The following NCOA2 variants were observed in gnomAD, a reference collection of about 807,000 sequenced individuals.
NCOA2 encodes nuclear receptor coactivator 2.
NCOA2 carries 21 observed loss-of-function variants against 145.1 expected under a neutral mutation model. That is an observed-to-expected ratio of 0.14 (90% CI 0.10 to 0.21). NCOA2 has a LOEUF of 0.21. Among genes scored for constraint, NCOA2 ranks in the 10% least tolerant of loss-of-function variants. The pLI is 1.00. For missense variants in NCOA2, 1,472 were observed against 1,837.6 expected, an observed-to-expected ratio of 0.80 and a Z score of 3.64; for synonymous variants, 619 against 637.5, an observed-to-expected ratio of 0.97 and a Z score of 0.44.
At chr8:70,360,972 A>C (rs1273225781) in intron 1 of NCOA2, among the ~76,000 whole-genome samples, 1 of 151,810 alleles carries the variant, frequency 6.6e-6, no homozygotes, top group East Asian at 1.9e-4. Flanking sequence ...AGTTACTTGT[A>C]AAATACTGAT....
chr8:70,214,836 C>G (rs1819428859), intron 3 of NCOA2, among the ~76,000 whole-genome samples: 1 of 151,982 alleles, frequency 6.6e-6, no homozygotes, highest in Non-Finnish European at 1.5e-5. Flanking sequence ...ATTATTTTCT[C>G]AAGTGCAAAG....
At chr8:70,151,824 C>T (rs1375516852) in intron 11 of NCOA2, among the ~76,000 whole-genome samples, 1 of 152,094 alleles carries the variant, frequency 6.6e-6, no homozygotes, top group African/African-American at 2.4e-5. Flanking sequence ...ACATGTTCTT[C>T]TTCAAGGAGA....
At chr8:70,367,252 CTTGT>C (rs1188799928) in intron 1 of NCOA2, among the ~76,000 whole-genome samples, 8 of 152,216 alleles carry the variant, frequency 5.3e-5, no homozygotes, top group Middle Eastern at 3.4e-3. Context: ...TAATGCTGAC[CTTGT>C]TTAAGTTTGC....
chr8:70,149,704 A>G (rs1270202449), intron 11 of NCOA2, among the ~76,000 whole-genome samples: 1 of 152,202 alleles, frequency 6.6e-6, no homozygotes, highest in African/African-American at 2.4e-5. Context: ...ATTCTTTTAA[A>G]TATAACCTAT....
intron 1 of NCOA2, among the ~76,000 whole-genome samples, chr8:70,379,835 T>C (rs889326714): frequency 5.9e-5 from 9 of 152,180 alleles, no homozygotes; most frequent in African/African-American, 1.9e-4. Context: ...CTATCGTTTC[T>C]GTATCATGCT....
the NCOA2 span, among the ~76,000 whole-genome samples, chr8:70,423,625 A>G: frequency 2.5e-4 from 38 of 152,300 alleles, no homozygotes; most frequent in African/African-American, 7.7e-4. Flanking sequence ...ATGAGGGGGA[A>G]GGAAGAGAAC....
At chr8:70,401,292 C>T (rs774641913) in intron 1 of NCOA2, among the ~76,000 whole-genome samples, 1 of 152,140 alleles carries the variant, frequency 6.6e-6, no homozygotes, top group African/African-American at 2.4e-5. Context: ...GTCTCCAAAC[C>T]TTGTATAAAC....
chr8:70,206,432 GATGA>G (rs926443629), intron 4 of NCOA2, among the ~76,000 whole-genome samples: 6 of 152,006 alleles, frequency 3.9e-5, no homozygotes, highest in Non-Finnish European at 8.8e-5. Context: ...ATTTCTTATT[GATGA>G]ATGAGAAATT....
At chr8:70,447,683 T>TTTC in the NCOA2 span, among the ~76,000 whole-genome samples, 3 of 50,268 alleles carry the variant, frequency 6.0e-5, no homozygotes, top group African/African-American at 2.2e-4. Flanking sequence ...CTTTGTTTTC[T>TTTC]TTTTTTTTTT....
chr8:70,399,752 G>GA (rs1165230579), intron 1 of NCOA2, among the ~76,000 whole-genome samples: 1 of 152,206 alleles, frequency 6.6e-6, no homozygotes, highest in African/African-American at 2.4e-5. Flanking sequence ...GTGCATTTCA[G>GA]AAAAATTGTT....
intron 2 of NCOA2, among the ~76,000 whole-genome samples, chr8:70,294,749 CCT>C (rs1826954313): frequency 6.6e-6 from 1 of 152,150 alleles, no homozygotes; most frequent in Non-Finnish European, 1.5e-5. Flanking sequence ...TGGCAAACTG[CCT>C]CTTACTTGAT....
chr8:70,157,197 T>C lies in NCOA2; in HGVS notation c.1168A>G (p.Thr390Ala), dbSNP rs1455835869. The change falls in exon 11 of 23, where the codon ACG becomes GCG. Residue 390 changes from threonine to alanine, a missense_variant. Around this residue, in one of 4 missense-constraint regions of NCOA2, gnomAD observed 953 missense variants for 1,062.1 expected, o/e 0.90. Transcript: ENST00000452400. Reference protein sequence around the residue: ...CVMNPDLTGQTMGKPLNPISS... With the variant: ...CVMNPDLTGQAMGKPLNPISS... ...ATTGGATTCAGTGGCTTCCCCATCG[T>C]TTGTCCAGTCAGATCCGGATTCATC... 6.3e-7 allele frequency: 1 copy of C among 1,589,352 alleles called. No individual in the cohort carries two copies. Among genetic ancestry groups the C allele is most frequent in the East Asian group, 2.2e-5 (1 of 44,536 alleles).
intron 2 of NCOA2, among the ~76,000 whole-genome samples, chr8:70,256,733 G>C (rs776887178): frequency 1.3e-5 from 2 of 152,114 alleles, no homozygotes; most frequent in Non-Finnish European, 2.9e-5. Flanking sequence ...TACACATGAG[G>C]AAACTGTGGC....
chr8:70,268,165 A>G (rs1204956629), intron 2 of NCOA2, among the ~76,000 whole-genome samples: 1 of 152,152 alleles, frequency 6.6e-6, no homozygotes, highest in African/African-American at 2.4e-5. Flanking sequence ...TTTGGAGCTC[A>G]TTTTTTAAAC....
rs1431065080 is a variant in NCOA2 at position 70,166,619 on chromosome 8, G to A, written c.677C>T (p.Thr226Ile). ...DNQEAHQKYE[T>I]MQCFAVSQPK... ...TTGAGAGACAGCGAAGCACTGCATA[G>A]TTTCATATTTCTGATGAGCTTCCTG... Residue 226 changes from threonine (T) to isoleucine (I), a missense_variant, in exon 7 of 23, where the codon ACT becomes ATT. Physicochemically the swap from Thr to Ile is moderately conservative, Grantham distance 89. Around this residue, in one of 4 missense-constraint regions of NCOA2, gnomAD observed 284 missense variants for 467.8 expected, o/e 0.61. Transcript: ENST00000452400. 6.2e-7 allele frequency: 1 copy of A among 1,613,954 alleles called. No homozygotes were observed. The highest frequency in any genetic ancestry group is 1.1e-5 in the South Asian group (1 of 91,062).
At chr8:70,425,405 A>ACC in the NCOA2 span, among the ~76,000 whole-genome samples, 13 of 151,866 alleles carry the variant, frequency 8.6e-5, no homozygotes, top group Non-Finnish European at 1.5e-4. Context: ...ACTGCCTGTC[A>ACC]CCCCACCCAG....
intron 16 of NCOA2, among the ~76,000 whole-genome samples, chr8:70,131,186 AT>A (rs35546051): frequency 0.049 from 7,312 of 149,842 alleles, 239 homozygotes; most frequent in Non-Finnish European, 0.079. Context: ...GTGACATTTT[AT>A]TTTTTTTTTG....
At chr8:70,326,735 T>C (rs1200506313) in intron 1 of NCOA2, among the ~76,000 whole-genome samples, 1 of 152,166 alleles carries the variant, frequency 6.6e-6, no homozygotes, top group Non-Finnish European at 1.5e-5. Context: ...CTAGACATAC[T>C]GGTAACTCAA....
At chr8:70,385,097 C>A (rs1812538382) in intron 1 of NCOA2, among the ~76,000 whole-genome samples, 1 of 152,198 alleles carries the variant, frequency 6.6e-6, no homozygotes, top group Admixed American at 6.5e-5. Context: ...AAAAACCTGA[C>A]CATAAATAAT....
Sources: allele counts gnomAD v4.1 joint callset (sites outside exome capture counted in the v4.1 genomes callset), GRCh38; gene constraint gnomAD v4.1.1; regional missense constraint gnomAD v4.1.1; transcripts MANE v1.5; gene names NCBI Gene and HGNC (gene_info 2026-07-23, HGNC 2026-07-21).